SLC25A48: variants seen among roughly 807,000 people sequenced by gnomAD.
SLC25A48 encodes solute carrier family 25 member 48.
SLC25A48 carries 29 observed loss-of-function variants against 32.2 expected under a neutral mutation model. That is an observed-to-expected ratio of 0.90 (90% CI 0.67 to 1.23). The LOEUF is 1.23. SLC25A48 is among the 50% of genes most tolerant of loss of function. SLC25A48 has a pLI of 0.00. For synonymous variants in SLC25A48, 164 were observed against 172.3 expected, an observed-to-expected ratio of 0.95 and a Z score of 0.38; for missense variants, 399 against 422.7, an observed-to-expected ratio of 0.94 and a Z score of 0.49.
At chr5:135,696,027 C>T (rs1014372091) in intron 3 of SLC25A48, among the ~76,000 whole-genome samples, 1 of 152,242 alleles carries the variant, frequency 6.6e-6, no homozygotes, top group Admixed American at 6.5e-5. Flanking sequence ...ACACTGACCT[C>T]TCTGAGCCTC....
chr5:135,693,289 C>A (rs898177998), intron 3 of SLC25A48, among the ~76,000 whole-genome samples: 10 of 152,184 alleles, frequency 6.6e-5, no homozygotes, highest in African/African-American at 2.2e-4. Context: ...GTTTCAGTTG[C>A]TGTAAAGTTA....
chr5:135,635,997 C>G (rs568620092), intron 3 of SLC25A48, among the ~76,000 whole-genome samples: 1 of 152,252 alleles, frequency 6.6e-6, no homozygotes, highest in East Asian at 1.9e-4. Flanking sequence ...TGAGTAGTCC[C>G]CCAACTCCCC....
At chr5:135,723,683 TA>T (rs1312961274) in intron 3 of SLC25A48, among the ~76,000 whole-genome samples, 3 of 152,350 alleles carry the variant, frequency 2.0e-5, no homozygotes, top group Admixed American at 2.0e-4. Flanking sequence ...GACATGTTTC[TA>T]AACAACTGTA....
chr5:135,866,509 C>T (rs2126788844), intron 4 of SLC25A48, among the ~76,000 whole-genome samples: 1 of 152,278 alleles, frequency 6.6e-6, no homozygotes, highest in South Asian at 2.1e-4. Context: ...TGTGTCCAGC[C>T]CAGCTCAGCC....
At chr5:135,628,592 C>T (rs1181513784) in intron 1 of SLC25A48, among the ~76,000 whole-genome samples, 1 of 152,080 alleles carries the variant, frequency 6.6e-6, no homozygotes, top group Non-Finnish European at 1.5e-5. Context: ...GATATGGGTC[C>T]AAAGGGAGGT....
chr5:135,686,375 T>C (rs1694672559), intron 3 of SLC25A48, among the ~76,000 whole-genome samples: 1 of 152,220 alleles, frequency 6.6e-6, no homozygotes, highest in African/African-American at 2.4e-5. Flanking sequence ...CTCTGACCCC[T>C]ACCTTGTTGT....
At chr5:135,753,433 T>C (rs1050335516) in intron 3 of SLC25A48, among the ~76,000 whole-genome samples, 3 of 151,942 alleles carry the variant, frequency 2.0e-5, no homozygotes, top group Non-Finnish European at 4.4e-5. Context: ...AGTGGTAATA[T>C]CTCAAGGAAA....
At position 135,734,030 on chromosome 5, in the gene SLC25A48, A is replaced by T. The variant is rs147927341; in HGVS notation, c.-520-78493A>T. On this transcript the variant is annotated intron_variant, in intron 3 of 10. Transcript: ENST00000646290. ...TAAAATGGGGGAATTGTAAGGAGAG[A>T]TTTTAGGCTCTAAAAGGCCATGGTG... Among the ~76,000 whole-genome samples, 1,521 of 152,186 alleles carry T rather than the reference A, an allele frequency of 1.0e-2. 31 individuals carry two copies. The highest frequency in any genetic ancestry group is 0.034 in the African/African-American group (1,431 of 41,510).
At chr5:135,626,122 G>C (rs551847111) in intron 1 of SLC25A48, among the ~76,000 whole-genome samples, 2 of 152,352 alleles carry the variant, frequency 1.3e-5, no homozygotes, top group South Asian at 4.1e-4. Context: ...GCATGGCGAG[G>C]CTGGGACGCC....
chr5:135,715,608 C>G (rs950302528), intron 3 of SLC25A48, among the ~76,000 whole-genome samples: 1 of 152,222 alleles, frequency 6.6e-6, no homozygotes, highest in African/African-American at 2.4e-5. Flanking sequence ...CTGGACGCTC[C>G]AAAGCCCCAA....
In SLC25A48 at chr5:135,605,342, C is replaced by T. The variant is rs560708447; in HGVS notation, c.-848-23895C>T. Among the ~76,000 whole-genome samples the T allele has an allele frequency of 1.4e-4, 22 of 152,292 alleles. No individual in the cohort carries two copies. The South Asian group carries it at 4.1e-3, about 29-fold the overall frequency. ...ATTCGTCTGAAAGGCTGGGAGGTCT[C>T]GTCTGGAAACATCCAAAGGATTTGC... On this transcript the variant is annotated intron_variant, in intron 1 of 10. Coordinates refer to the SLC25A48 transcript ENST00000646290.
rs140563421 is a variant in SLC25A48, at chr5:135,690,790, C to T, written c.-521+55834C>T. Among the ~76,000 whole-genome samples the T allele has an allele frequency of 5.8e-3, 885 of 152,272 alleles. 11 individuals carry two copies. The highest frequency in any genetic ancestry group is 0.02 in the African/African-American group (812 of 41,552). On this transcript the variant is annotated intron_variant, in intron 3 of 10. Transcript: ENST00000646290. ...AATCCAGAAACAGGAACCAGATGTC[C>T]ACACCTTACTCTGTGCTGGCTTTGG... is the stretch of plus-strand genomic sequence containing the variant.
At chr5:135,708,905 G>A (rs967127810) in intron 3 of SLC25A48, among the ~76,000 whole-genome samples, 2 of 152,134 alleles carry the variant, frequency 1.3e-5, no homozygotes, top group African/African-American at 4.8e-5. Context: ...ATGGCTAGAT[G>A]GGCTCCCTTT....
intron 3 of SLC25A48, among the ~76,000 whole-genome samples, chr5:135,795,730 G>A (rs1290612079): frequency 6.6e-6 from 1 of 150,598 alleles, no homozygotes; most frequent in Non-Finnish European, 1.5e-5. Flanking sequence ...AGGTGATATG[G>A]TTCATAACAT....
chr5:135,709,067 A>G, intron 3 of SLC25A48, among the ~76,000 whole-genome samples: 1 of 152,250 alleles, frequency 6.6e-6, no homozygotes, highest in East Asian at 1.9e-4. Context: ...ATAATACAAA[A>G]CAGATTTTGG....
intron 1 of SLC25A48, among the ~76,000 whole-genome samples, chr5:135,623,780 A>C (rs1167365027): frequency 1.3e-5 from 2 of 152,354 alleles, no homozygotes; most frequent in South Asian, 2.1e-4. Context: ...GCAGAAATTT[A>C]GCTATCACTC....
At chr5:135,701,190 G>C (rs1218448200) in intron 3 of SLC25A48, among the ~76,000 whole-genome samples, 1 of 152,120 alleles carries the variant, frequency 6.6e-6, no homozygotes, top group Admixed American at 6.5e-5. Flanking sequence ...CTGATGCTCA[G>C]CCTGCCTGCC....
chr5:135,700,836 C>G (rs559515522), intron 3 of SLC25A48, among the ~76,000 whole-genome samples: 1 of 152,352 alleles, frequency 6.6e-6, no homozygotes, highest in African/African-American at 2.4e-5. Context: ...GTGGATACCA[C>G]TTGTGCACGT....
At chr5:135,590,382 G>T (rs960450791) in intron 1 of SLC25A48, among the ~76,000 whole-genome samples, 3 of 152,304 alleles carry the variant, frequency 2.0e-5, no homozygotes, top group East Asian at 1.9e-4. Context: ...CCCTGCCCAT[G>T]GGCCCCCGGC....
Sources: allele counts gnomAD v4.1 joint callset (sites outside exome capture counted in the v4.1 genomes callset), GRCh38; gene constraint gnomAD v4.1.1; transcripts MANE v1.5; gene names NCBI Gene and HGNC (gene_info 2026-07-23, HGNC 2026-07-21).